The following UCKL1 variants were observed in gnomAD, a reference collection of about 807,000 sequenced individuals.
UCKL1 encodes the protein uridine-cytidine kinase-like 1.
A neutral mutation model predicts 59.2 loss-of-function variants in UCKL1; 65 were observed. The ratio of observed to expected loss-of-function variants is 1.10; its 90% CI spans 0.90 to 1.35. The LOEUF is 1.35. Ranked by LOEUF, UCKL1 falls within the 40% of genes most tolerant of loss-of-function variation. The pLI is 0.00. For synonymous variants in UCKL1, 410 were observed against 323.1 expected (o/e 1.27, Z -2.88); for missense variants, 703 against 784.3 (o/e 0.90, Z 1.24).
chr20:63,947,467 G>A (rs1019031785), intron 1 of UCKL1, among the ~76,000 whole-genome samples: 13 of 152,194 alleles, frequency 8.5e-5, no homozygotes, highest in African/African-American at 1.4e-4. Flanking sequence ...CAGGTTGTGC[G>A]CACACACCGA....
intron 8 of UCKL1, among the ~76,000 whole-genome samples, chr20:63,943,334 G>T (rs761568205): frequency 1.3e-5 from 2 of 152,240 alleles, no homozygotes; most frequent in Non-Finnish European, 2.9e-5. Flanking sequence ...AGGCCTGGCA[G>T]TGCTGGCTCA....
chr20:63,940,074 G>GT lies in UCKL1; in HGVS notation c.1568-20_1568-19insA, dbSNP rs780881244. The GT allele has an allele frequency of 3.8e-6, 6 of 1,581,836 alleles. No individual in the cohort carries two copies. Among genetic ancestry groups the GT allele is most frequent in the Non-Finnish European group, 2.6e-6 (3 of 1,155,304 alleles). Reference sequence around the variant, plus strand: ...AAGTTCCCTGGAAAAAGGGGGGGGGGGGTCCAGTGTGGTGGGGCCTCCCAG... The same window carrying GT: ...AAGTTCCCTGGAAAAAGGGGGGGGGGTGGTCCAGTGTGGTGGGGCCTCCCAG... On this transcript the variant is annotated intron_variant, in intron 14 of 14. Transcript: ENST00000354216.
rs950634099 is a variant in UCKL1 at position 63,940,415 on chromosome 20, G to C, written c.1373C>G (p.Thr458Arg). 2 of 1,611,804 alleles carry C rather than the reference G, an allele frequency of 1.2e-6. No individual in the cohort carries two copies. Among genetic ancestry groups the C allele is most frequent in the Non-Finnish European group, 1.7e-6 (2 of 1,179,374 alleles). ...HVILMDCTVS[T>R]GAAAMMAVRV... ...CACTGCCATCATGGCCGCCGCGCCC[G>C]TGGACACGGTGCAGTCCATGAGGAT... Residue 458 changes from threonine (T) to arginine (R), a missense_variant, in exon 13 of 15, where the codon ACG becomes AGG. Physicochemically the swap from Thr to Arg is moderately conservative, Grantham distance 71. Coordinates refer to ENST00000354216, the MANE Select transcript of UCKL1 (RefSeq NM_017859.4).
chr20:63,944,921 G>A (rs1023661004), intron 5 of UCKL1, among the ~76,000 whole-genome samples, 187 bp from the exon 6 acceptor site: 3 of 152,150 alleles, frequency 2.0e-5, no homozygotes, highest in South Asian at 2.1e-4. Context: ...GGCCTGGCCC[G>A]AGCCACTTCC....
intron 1 of UCKL1, chr20:63,948,619 C>CGTGTGTGAGGGAGGGGG (rs1569122611): frequency 1.2e-5 from 1 of 80,690 alleles, no homozygotes; most frequent in Non-Finnish European, 2.4e-5. Flanking sequence ...GAGGGAGGGG[C>CGTGTGTGAGGGAGGGGG]GTGTGTGAGA....
Position 63,944,732 on chromosome 20 carries a change from G to A in UCKL1, c.657C>T (p.Leu219=), listed in dbSNP as rs1281917749. The change falls in exon 6 of 15, where the codon CTC becomes CTT. Residue 219 remains leucine (L), a splice_region_variant and synonymous_variant. Coordinates refer to ENST00000354216, the MANE Select transcript of UCKL1 (RefSeq NM_017859.4). ...MAFADKTLLE[L]LDMKIFVDTD... The stretch of plus-strand genomic sequence containing the variant: ...TGTCCACAAAGATCTTCATGTCCAG[G>A]AGCTGGTGGAGACAGCGGGCCAGTG... 6 of 1,612,292 alleles carry A rather than the reference G, an allele frequency of 3.7e-6. No individual in the cohort carries two copies. In the Admixed American group the frequency reaches 5.0e-5, roughly 13 times the overall value.
At chr20:63,950,679 C>T in intron 1 of UCKL1, 1 of 1,375,764 alleles carries the variant, frequency 7.3e-7, no homozygotes, top group Non-Finnish European at 9.5e-7. Flanking sequence ...CACAGACATG[C>T]ACCAAACACA....
intron 8 of UCKL1, among the ~76,000 whole-genome samples, chr20:63,943,000 G>C (rs1303197961): frequency 6.6e-6 from 1 of 152,210 alleles, no homozygotes; most frequent in Non-Finnish European, 1.5e-5. Flanking sequence ...AGGTGGCTCA[G>C]TCAGGAGCCT....
At chr20:63,948,381 G>C (rs2427573) in intron 1 of UCKL1, 1 of 151,706 alleles carries the variant, frequency 6.6e-6, no homozygotes, top group South Asian at 2.1e-4. Flanking sequence ...GAAATGGAAC[G>C]CTCCACAGAT....
intron 8 of UCKL1, chr20:63,942,400 G>T (rs2054824303): frequency 8.5e-7 from 1 of 1,174,710 alleles, no homozygotes; most frequent in African/African-American, 1.6e-5. Flanking sequence ...AGAGGGCCTA[G>T]CGGGAGCAGC....
At chr20:63,944,816 C>T (rs560949585) in intron 5 of UCKL1, 82 bp from the exon 6 acceptor site, 39 of 1,528,748 alleles carry the variant, frequency 2.6e-5, no homozygotes, top group Middle Eastern at 3.7e-4. Context: ...GCACTGAGGC[C>T]GCCTGGTCCG....
intron 1 of UCKL1, among the ~76,000 whole-genome samples, chr20:63,947,750 G>A (rs577664594): frequency 3.3e-5 from 5 of 152,388 alleles, no homozygotes; most frequent in Non-Finnish European, 7.3e-5. Context: ...TGTCTGGGCT[G>A]CCGTGAGCCT....
At chr20:63,947,506 G>A (rs1032192044) in intron 1 of UCKL1, among the ~76,000 whole-genome samples, 1 of 152,246 alleles carries the variant, frequency 6.6e-6, no homozygotes, top group African/African-American at 2.4e-5. Flanking sequence ...GGACCAGGCT[G>A]AAGGGCTCAG....
chr20:63,941,115 G>A lies in UCKL1; in HGVS notation c.1017C>T (p.Ile339=), dbSNP rs1569026516. Residue 339 remains isoleucine, a synonymous_variant, in exon 9 of 15, where the codon ATC becomes ATT. Transcript: ENST00000354216. ...STPQVRGMHT[I]IRDKETSRDE... Reference sequence around the variant, plus strand: ...GTCCCCAGGTGGGCCCTCACCTGATGATGGTGTGCATGCCCCGTACCTGCG... The same window carrying A: ...GTCCCCAGGTGGGCCCTCACCTGATAATGGTGTGCATGCCCCGTACCTGCG... 6.3e-7 allele frequency: 1 copy of A among 1,599,068 alleles called. No homozygotes were observed. The highest frequency in any genetic ancestry group is 8.5e-7 in the Non-Finnish European group (1 of 1,175,242).
intron 9 of UCKL1, 25 bp downstream of exon 9, chr20:63,941,085 G>A (rs1040845649): frequency 9.4e-6 from 15 of 1,599,238 alleles, no homozygotes; most frequent in African/African-American, 1.3e-5. Context: ...GCCCGGGGCC[G>A]CCCCGTCCCC....
chr20:63,940,729 G>C lies in UCKL1; in HGVS notation c.1180-13C>G. On this transcript the variant is annotated splice_polypyrimidine_tract_variant and intron_variant, in intron 11 of 14. Coordinates refer to ENST00000354216, the MANE Select transcript of UCKL1 (RefSeq NM_017859.4). ...ACACACCGGTGATCTGCGGGGAGGGGAGGCTAAGCGCCCACATCCCGCCCC... is the reference window on the plus strand; with the variant it reads ...ACACACCGGTGATCTGCGGGGAGGGCAGGCTAAGCGCCCACATCCCGCCCC... 6.2e-7 allele frequency: 1 copy of C among 1,606,776 alleles called. No individual in the cohort carries two copies. Among genetic ancestry groups the C allele is most frequent in the Non-Finnish European group, 8.5e-7 (1 of 1,177,994 alleles).
chr20:63,939,883 A>C lies in UCKL1; in HGVS notation c.*93T>G. On this transcript the variant is annotated 3_prime_UTR_variant, in exon 15 of 15. Transcript: ENST00000354216. The stretch of plus-strand genomic sequence containing the variant: ...TAAAATGCATAGAATAAATTATACT[A>C]GTAACATTTTAAAAATTAACATCTT... The C allele has an allele frequency of 9.6e-7, 1 of 1,039,666 alleles. No homozygotes were observed. Among genetic ancestry groups the C allele is most frequent in the Non-Finnish European group, 1.4e-6 (1 of 698,910 alleles). The allele number at this position is 1,039,666 out of a possible 1,614,324, so 64.4% of individuals were successfully genotyped here.
At chr20:63,946,402 G>T (rs1170596264) in intron 2 of UCKL1, 51 bp downstream of exon 2, 1 of 1,512,712 alleles carries the variant, frequency 6.6e-7, no homozygotes, top group Admixed American at 2.1e-5. Context: ...CACTGGAGGG[G>T]AGCCGGAGGC....
In UCKL1 at chr20:63,956,412, C is replaced by A. The variant is rs559212222; in HGVS notation, c.-40G>T. 3 of 1,349,878 alleles carry A rather than the reference C, an allele frequency of 2.2e-6. No individual in the cohort carries two copies. The South Asian group carries it at 5.2e-5, about 24-fold the overall frequency. The allele number at this position is 1,349,878 out of a possible 1,614,324, so 83.6% of individuals were successfully genotyped here. ...TCTTTGCGGGCCTGGCCGGGCGGCGCGCATGGGCCGCCGGGAGCTGGCGGG... is the reference window on the plus strand; with the variant it reads ...TCTTTGCGGGCCTGGCCGGGCGGCGAGCATGGGCCGCCGGGAGCTGGCGGG... On this transcript the variant is annotated 5_prime_UTR_variant, in exon 1 of 15. Transcript: ENST00000354216.
Sources: allele counts gnomAD v4.1 joint callset (sites outside exome capture counted in the v4.1 genomes callset), GRCh38; gene constraint gnomAD v4.1.1; transcripts MANE v1.5; gene names NCBI Gene and HGNC (gene_info 2026-07-23, HGNC 2026-07-21).